Variants in ANTXR2 observed in about 807,000 individuals in gnomAD.
ANTXR2 encodes anthrax toxin receptor 2.
Under a neutral mutation model 73.7 loss-of-function variants are expected in ANTXR2, and 44 were observed. That is an observed-to-expected ratio of 0.60 (90% confidence interval 0.47 to 0.77). The LOEUF (loss-of-function observed/expected upper bound fraction) is 0.77. ANTXR2 is among the 30% of genes least tolerant of loss of function. ANTXR2 has a pLI of 0.00. For synonymous variants in ANTXR2, 217 were observed against 205.9 expected (o/e 1.05, Z -0.46); for missense variants, 604 against 592.5 (o/e 1.02, Z -0.20).
In ANTXR2 at chr4:80,034,134, G is replaced by A. The variant is rs528220535; in HGVS notation, c.698-564C>T. 1.8e-3 allele frequency among the ~76,000 whole-genome samples: 281 copies of A among 152,000 alleles called. 4 individuals are homozygous for A. In the Middle Eastern group the frequency reaches 0.048, roughly 26 times the overall value. Reference sequence around the variant, plus strand: ...AACCTATAAATAATCAAAAGATCACGTATTTTGAATTACTAATAATCGATG... The same window carrying A: ...AACCTATAAATAATCAAAAGATCACATATTTTGAATTACTAATAATCGATG... On this transcript the variant is annotated intron_variant, in intron 8 of 16. Transcript: ENST00000403729.
At chr4:80,032,523 G>T (rs1221855067) in intron 9 of ANTXR2, among the ~76,000 whole-genome samples, 1 of 151,790 alleles carries the variant, frequency 6.6e-6, no homozygotes, top group Non-Finnish European at 1.5e-5. Context: ...ATGACATTTA[G>T]CATGCTAAGA....
chr4:79,923,278 A>G (rs1018029780), intron 16 of ANTXR2, among the ~76,000 whole-genome samples: 2 of 152,190 alleles, frequency 1.3e-5, no homozygotes, highest in African/African-American at 4.8e-5. Context: ...CTAAAAATAC[A>G]AACACAAAAC....
At chr4:80,033,652 G>T in intron 8 of ANTXR2, 82 bp from the exon 9 acceptor site, 1 of 1,021,400 alleles carries the variant, frequency 9.8e-7, no homozygotes, top group Non-Finnish European at 1.4e-6. Flanking sequence ...AAAGTATTAA[G>T]GTGCAAAGAA....
intron 16 of ANTXR2, among the ~76,000 whole-genome samples, chr4:79,933,661 A>AT (rs975567902): frequency 6.7e-6 from 1 of 148,562 alleles, no homozygotes; most frequent in Non-Finnish European, 1.5e-5. Flanking sequence ...TTAACTCTTC[A>AT]TTTAACATTA....
intron 12 of ANTXR2, among the ~76,000 whole-genome samples, chr4:79,993,760 G>GCGCACACACACACACACACACA (rs71662888): frequency 1.3e-3 from 189 of 140,766 alleles, no homozygotes; most frequent in African/African-American, 4.7e-3. Flanking sequence ...ACACACACAC[G>GCGCACACACACACACACACACA]CACACACACA....
At chr4:79,992,194 T>C (rs1342497234) in intron 12 of ANTXR2, among the ~76,000 whole-genome samples, 1 of 152,038 alleles carries the variant, frequency 6.6e-6, no homozygotes, top group Non-Finnish European at 1.5e-5. Flanking sequence ...ATTATCTTAG[T>C]TTTTTTAATT....
chr4:79,921,022 A>G (rs79385282), intron 16 of ANTXR2, among the ~76,000 whole-genome samples: 1 of 152,152 alleles, frequency 6.6e-6, no homozygotes, highest in African/African-American at 2.4e-5. Context: ...TTACATCACT[A>G]TCAGGTGGGA....
At chr4:79,992,379 G>T (rs977677485) in intron 12 of ANTXR2, among the ~76,000 whole-genome samples, 7 of 150,476 alleles carry the variant, frequency 4.7e-5, no homozygotes, top group African/African-American at 1.7e-4. Context: ...CAAACCTCAG[G>T]GAAAAAATAC....
At chr4:79,930,146 C>A (rs1382786095) in intron 16 of ANTXR2, among the ~76,000 whole-genome samples, 1 of 151,906 alleles carries the variant, frequency 6.6e-6, no homozygotes, top group African/African-American at 2.4e-5. Context: ...TTGTATAGTT[C>A]TTTTAAAACT....
chr4:80,019,500 A>G (rs1732054379), intron 10 of ANTXR2, among the ~76,000 whole-genome samples: 1 of 152,238 alleles, frequency 6.6e-6, no homozygotes, highest in Admixed American at 6.5e-5. Context: ...CAAAGTAGTA[A>G]CAGAAATACA....
chr4:79,955,081 G>C (rs1333956411), intron 16 of ANTXR2, among the ~76,000 whole-genome samples: 1 of 152,106 alleles, frequency 6.6e-6, no homozygotes, highest in African/African-American at 2.4e-5. Context: ...TGTGACACAA[G>C]ACAGCAAAAT....
chr4:80,072,409 T>C lies in ANTXR2; in HGVS notation c.152A>G (p.Lys51Arg), dbSNP rs1734842325. Reference protein sequence around the residue: ...RAFDLYFVLDKSGSVANNWIE... With the variant: ...RAFDLYFVLDRSGSVANNWIE... ...CCCTGGACCTCCCTCGCACACTCAC[T>C]TGTCCAGGACGAAGTAGAGATCAAA... is the stretch of plus-strand genomic sequence containing the variant. Residue 51 changes from lysine to arginine, a missense_variant and splice_region_variant, in exon 1 of 17, where the codon AAG (lysine) becomes AGG (arginine). Physicochemically the swap from Lys to Arg is conservative, Grantham distance 26 (BLOSUM62 2). Transcript: ENST00000403729. The C allele has an allele frequency of 9.4e-6, 15 of 1,597,252 alleles. No individual in the cohort carries two copies. The highest frequency in any genetic ancestry group is 1.3e-5 in the Non-Finnish European group (15 of 1,172,282).
chr4:79,974,982 T>A (rs1334459902), intron 16 of ANTXR2, among the ~76,000 whole-genome samples: 1 of 152,220 alleles, frequency 6.6e-6, no homozygotes, highest in South Asian at 2.1e-4. Context: ...ATTTGTTGAA[T>A]GAATGATTAT....
chr4:79,931,441 C>T (rs1728047253), intron 16 of ANTXR2, among the ~76,000 whole-genome samples: 2 of 120,228 alleles, frequency 1.7e-5, no homozygotes, highest in South Asian at 5.5e-4. Context: ...CTAGGATTTC[C>T]TCGCTTCTTC....
At chr4:79,983,050 G>C (rs748090133) in intron 14 of ANTXR2, among the ~76,000 whole-genome samples, 3 of 152,042 alleles carry the variant, frequency 2.0e-5, no homozygotes, top group Non-Finnish European at 4.4e-5. Flanking sequence ...TATGACAATA[G>C]GAAACGTGCA....
At chr4:80,066,980 G>A (rs959243595) in intron 3 of ANTXR2, among the ~76,000 whole-genome samples, 3 of 152,234 alleles carry the variant, frequency 2.0e-5, no homozygotes, top group Admixed American at 1.3e-4. Context: ...GACGGATCAC[G>A]AGGTCAGGAG....
intron 12 of ANTXR2, among the ~76,000 whole-genome samples, chr4:80,005,451 A>G (rs767133620): frequency 4.6e-4 from 70 of 152,174 alleles, no homozygotes; most frequent in Non-Finnish European, 8.4e-4. Context: ...ATTTAACGCT[A>G]CTAAGAATTA....
rs141117865 is a variant in ANTXR2, at chr4:79,959,625, A to G, written c.1428+17996T>C. ...TGCTCACTGAGCTGTGGGAACCACA[A>G]TGGTGTGCTTAAGTCTAGTGGGCCT... is the stretch of plus-strand genomic sequence containing the variant. On this transcript the variant is annotated intron_variant, in intron 16 of 16. Coordinates refer to ENST00000403729, the MANE Select transcript of ANTXR2 (RefSeq NM_058172.6). 2.6e-5 allele frequency among the ~76,000 whole-genome samples: 4 copies of G among 152,350 alleles called. No individual in the cohort carries two copies. The East Asian group carries it at 5.8e-4, about 22-fold the overall frequency.
Position 80,072,928 on chromosome 4 carries a change from C to A in ANTXR2, c.-368G>T, listed in dbSNP as rs1734889942. 9.8e-6 allele frequency: 2 copies of A among 204,458 alleles called. No homozygotes were observed. The highest frequency in any genetic ancestry group is 1.9e-5 in the Non-Finnish European group (2 of 106,304). 12.7% of individuals were successfully genotyped at this position (204,458 alleles called of 1,614,324 possible). ...GGGGCCGAGCCTCCAGCGCCCGCCT[C>A]GGACCCGGACCTGGAACCCACCCCG... On this transcript the variant is annotated 5_prime_UTR_variant, in exon 1 of 17. Transcript: ENST00000403729.
Sources: allele counts gnomAD v4.1 joint callset (sites outside exome capture counted in the v4.1 genomes callset), GRCh38; gene constraint gnomAD v4.1.1; transcripts MANE v1.5; gene names NCBI Gene and HGNC (gene_info 2026-07-23, HGNC 2026-07-21).